The following GPC6 variants were observed in gnomAD, a reference collection of about 807,000 sequenced individuals.
GPC6 encodes the protein glypican-6.
In GPC6, 14 loss-of-function variants were observed where a neutral mutation model predicts 55.2. That is an observed-to-expected ratio of 0.25 (90% CI 0.17 to 0.40). GPC6 has a LOEUF of 0.40. Among genes scored for constraint, GPC6 ranks in the 10% least tolerant of loss-of-function variants. GPC6 has a pLI of 1.00. For synonymous variants in GPC6, 278 were observed against 259.6 expected (o/e 1.07, Z -0.68); for missense variants, 641 against 708.5 (o/e 0.90, Z 1.08).
chr13:93,717,911 T>C (rs906013919), intron 2 of GPC6, among the ~76,000 whole-genome samples: 1 of 151,998 alleles, frequency 6.6e-6, no homozygotes, highest in African/African-American at 2.4e-5. Context: ...GTTTCCAGCT[T>C]CATTCATGTC....
chr13:94,387,043 A>G (rs546998372), intron 7 of GPC6, among the ~76,000 whole-genome samples: 6 of 152,308 alleles, frequency 3.9e-5, no homozygotes, highest in Admixed American at 1.3e-4. Context: ...GTTATTAAGT[A>G]ATGGCACCAG....
intron 4 of GPC6, among the ~76,000 whole-genome samples, chr13:94,245,411 A>T (rs1891167685): frequency 2.0e-5 from 3 of 151,788 alleles, no homozygotes; most frequent in Admixed American, 2.0e-4. Flanking sequence ...TAAAAAAAAA[A>T]ATTTAAAAGC....
At chr13:93,915,976 G>A (rs1877268437) in intron 3 of GPC6, among the ~76,000 whole-genome samples, 1 of 152,180 alleles carries the variant, frequency 6.6e-6, no homozygotes, top group Non-Finnish European at 1.5e-5. Flanking sequence ...ACTACAGGAA[G>A]CCAGGCCAAG....
chr13:93,769,815 GCAGT>G (rs1885234649), intron 2 of GPC6, among the ~76,000 whole-genome samples: 1 of 152,174 alleles, frequency 6.6e-6, no homozygotes, highest in Non-Finnish European at 1.5e-5. Context: ...TCTTTCAGCT[GCAGT>G]CAGTGTTTTT....
upstream of GPC6, among the ~76,000 whole-genome samples, chr13:93,226,275 A>G (rs319521): frequency 0.96 from 145,658 of 152,114 alleles, 70,053 homozygotes; most frequent in East Asian, 1. Context: ...TCCACACATT[A>G]GAAACCTAAG....
chr13:94,333,400 G>A (rs532042265), intron 6 of GPC6, among the ~76,000 whole-genome samples: 8 of 152,156 alleles, frequency 5.3e-5, no homozygotes, highest in East Asian at 3.9e-4. Flanking sequence ...TAAAAACAGC[G>A]GCTTAAGAAA....
At chr13:93,766,110 G>A (rs559925453) in intron 2 of GPC6, among the ~76,000 whole-genome samples, 13 of 152,272 alleles carry the variant, frequency 8.5e-5, no homozygotes, top group Admixed American at 3.3e-4. Context: ...TATGTTTTAA[G>A]TTGTATAGGT....
chr13:93,565,126 C>T (rs530851203), intron 2 of GPC6, among the ~76,000 whole-genome samples: 183 of 152,210 alleles, frequency 1.2e-3, no homozygotes, highest in African/African-American at 4.0e-3. Flanking sequence ...CCCACTTGCC[C>T]CCAACTTCAC....
At chr13:94,264,764 T>C (rs1447579013) in intron 4 of GPC6, among the ~76,000 whole-genome samples, 1 of 152,192 alleles carries the variant, frequency 6.6e-6, no homozygotes, top group African/African-American at 2.4e-5. Flanking sequence ...GCTGATACAG[T>C]CATACCCAAG....
intron 8 of GPC6, among the ~76,000 whole-genome samples, chr13:94,399,940 C>T (rs1480325102): frequency 6.6e-6 from 1 of 152,174 alleles, no homozygotes; most frequent in Non-Finnish European, 1.5e-5. Flanking sequence ...AAATAAAGTG[C>T]TCTATCATCT....
chr13:94,333,527 T>C lies in GPC6; in HGVS notation c.1152+27404T>C, dbSNP rs1035042972. ...ATCAATACATCAATGCATTGTCCTTTAGTTGCACTTTGTACATTTTCCTGA... is the reference window on the plus strand; with the variant it reads ...ATCAATACATCAATGCATTGTCCTTCAGTTGCACTTTGTACATTTTCCTGA... On this transcript the variant is annotated intron_variant, in intron 6 of 8. Transcript: ENST00000377047. 1.9e-4 allele frequency among the ~76,000 whole-genome samples: 29 copies of C among 152,360 alleles called. 1 individual carries two copies. The highest frequency in any genetic ancestry group is 8.8e-5 in the Non-Finnish European group (6 of 68,038).
At chr13:94,362,635 A>G (rs1879109617) in intron 6 of GPC6, among the ~76,000 whole-genome samples, 1 of 152,186 alleles carries the variant, frequency 6.6e-6, no homozygotes, top group Non-Finnish European at 1.5e-5. Context: ...AGGCTGGACC[A>G]TCTTGAAGGA....
At chr13:94,236,886 C>CTTT (rs34883180) in intron 4 of GPC6, among the ~76,000 whole-genome samples, 2 of 144,898 alleles carry the variant, frequency 1.4e-5, no homozygotes, top group African/African-American at 2.5e-5. Context: ...AAGCAGAAAG[C>CTTT]TTTTTTTTTT....
intron 1 of GPC6, among the ~76,000 whole-genome samples, chr13:93,278,840 C>T (rs1173648106): frequency 6.6e-6 from 1 of 152,074 alleles, no homozygotes; most frequent in South Asian, 2.1e-4. Flanking sequence ...TTTAGCTACT[C>T]TTGCCACAAA....
intron 5 of GPC6, among the ~76,000 whole-genome samples, chr13:94,303,208 G>A (rs891484431): frequency 6.6e-6 from 1 of 152,242 alleles, no homozygotes; most frequent in Non-Finnish European, 1.5e-5. Flanking sequence ...GGGACCCAAA[G>A]AGGGTAGCCC....
At chr13:93,596,693 T>C (rs569605678) in intron 2 of GPC6, among the ~76,000 whole-genome samples, 2 of 145,952 alleles carry the variant, frequency 1.4e-5, no homozygotes, top group African/African-American at 2.6e-5. Flanking sequence ...AGTGTGTATA[T>C]AAGTATATAT....
chr13:93,451,520 C>T (rs1878222249), intron 1 of GPC6, among the ~76,000 whole-genome samples: 1 of 152,130 alleles, frequency 6.6e-6, no homozygotes, highest in African/African-American at 2.4e-5. Flanking sequence ...ATTTAAATTT[C>T]AGTTTTCACA....
intron 2 of GPC6, among the ~76,000 whole-genome samples, chr13:93,561,474 C>T (rs1460374164): frequency 7.0e-6 from 1 of 141,970 alleles, no homozygotes; most frequent in Non-Finnish European, 1.5e-5. Context: ...CCATTTTCCC[C>T]AGGAAACAAA....
intron 1 of GPC6, among the ~76,000 whole-genome samples, chr13:93,458,551 T>C (rs1390821156): frequency 6.6e-6 from 1 of 152,156 alleles, no homozygotes; most frequent in Non-Finnish European, 1.5e-5. Flanking sequence ...ATGGATAGAT[T>C]GAATAGATGT....
Sources: gnomAD v4.1 joint callset for allele counts (sites outside exome capture counted in the v4.1 genomes callset) on GRCh38, gnomAD v4.1.1 for gene constraint, MANE v1.5 for transcripts, NCBI Gene and HGNC (gene_info 2026-07-23, HGNC 2026-07-21) for gene names.